The following KRR1 variants were observed in gnomAD, a reference collection of about 807,000 sequenced individuals.
KRR1 encodes the protein KRR1 small subunit processome component homolog.
A neutral mutation model predicts 50.0 loss-of-function variants in KRR1; 23 were observed. The observed-to-expected ratio is 0.46, with a 90% CI of 0.33 to 0.65. The LOEUF (loss-of-function observed/expected upper bound fraction) is 0.65, where lower values mean the gene tolerates loss of function less well. Among genes scored for constraint, KRR1 ranks in the 30% least tolerant of loss-of-function variants. The probability of loss-of-function intolerance (pLI) is 0.02; values close to 1 mark genes in which losing one functional copy is unlikely to be tolerated. For synonymous variants in KRR1, 133 were observed against 146.3 expected, an observed-to-expected ratio of 0.91 and a Z score of 0.66; for missense variants, 419 against 442.4, an observed-to-expected ratio of 0.95 and a Z score of 0.47.
At chr12:75,505,165 T>C in intron 6 of KRR1, 33 bp downstream of exon 6, 1 of 1,495,548 alleles carries the variant, frequency 6.7e-7, no homozygotes, top group South Asian at 1.2e-5. Flanking sequence ...AGTATGATAA[T>C]CACTGGTACA....
At position 75,498,774 on chromosome 12, in the gene KRR1, T is replaced by C. The variant is rs1432887802; in HGVS notation, c.*1035A>G. ...TTAAGAGCTATGTGAATTCTGTCAG[T>C]GCATTATGAGGAACAATGTCTAAGA... is the stretch of plus-strand genomic sequence containing the variant. On this transcript the variant is annotated 3_prime_UTR_variant, in exon 10 of 10. Transcript: ENST00000229214. 1.2e-6 allele frequency: 2 copies of C among 1,606,632 alleles called. No homozygotes were observed. Among genetic ancestry groups the C allele is most frequent in the Non-Finnish European group, 1.7e-6 (2 of 1,173,364 alleles).
Position 75,495,150 on chromosome 12 carries a change from G to A in KRR1, c.*4659C>T, listed in dbSNP as rs992636195. The A allele has an allele frequency of 6.6e-6, 1 of 152,586 alleles. No individual in the cohort carries two copies. Among genetic ancestry groups the A allele is most frequent in the Admixed American group, 6.5e-5 (1 of 15,306 alleles). The allele number at this position is 152,586 out of a possible 1,614,324, so 9.5% of individuals were successfully genotyped here. ...AGAATATTGAATGTGGGTCACCATAGCTTTTCTAAGATGGACAGTTTTTTA... is the reference window on the plus strand; with the variant it reads ...AGAATATTGAATGTGGGTCACCATAACTTTTCTAAGATGGACAGTTTTTTA... On this transcript the variant is annotated 3_prime_UTR_variant, in exon 10 of 10. Transcript: ENST00000229214.
At position 75,497,894 on chromosome 12, in the gene KRR1, A is replaced by AT. The variant is rs2046360960; in HGVS notation, c.*1914dup. 1 of 127,118 alleles carries AT rather than the reference A, an allele frequency of 7.9e-6. No individual in the cohort carries two copies. The allele number at this position is 127,118 out of a possible 1,614,324, so 7.9% of individuals were successfully genotyped here. On this transcript the variant is annotated 3_prime_UTR_variant, in exon 10 of 10. Coordinates refer to ENST00000229214, the MANE Select transcript of KRR1 (RefSeq NM_007043.7). ...GAATATTGAACATTTAAAAATATAT[A>AT]TAAAAAAAAATAACTAGAACATCAC...
In KRR1 at chr12:75,501,917, C is replaced by A. The variant is rs1490082255; in HGVS notation, c.909+6G>T. 1 of 1,607,228 alleles carries A rather than the reference C, an allele frequency of 6.2e-7. No individual in the cohort carries two copies. Among genetic ancestry groups the A allele is most frequent in the South Asian group, 1.1e-5 (1 of 90,890 alleles). On this transcript the variant is annotated splice_donor_region_variant and intron_variant, in intron 8 of 9. Coordinates refer to ENST00000229214, the MANE Select transcript of KRR1 (RefSeq NM_007043.7). Reference sequence around the variant, plus strand: ...ATTCATGTGAGCCAGACATAAAGTGCCGTACCTTTATTGCTTCCATTTTCT... The same window carrying A: ...ATTCATGTGAGCCAGACATAAAGTGACGTACCTTTATTGCTTCCATTTTCT...
At position 75,498,299 on chromosome 12, in the gene KRR1, C is replaced by T. The variant is rs1041339692; in HGVS notation, c.*1510G>A. 6 of 158,010 alleles carry T rather than the reference C, an allele frequency of 3.8e-5. No individual in the cohort carries two copies. In the Admixed American group the frequency reaches 3.9e-4, roughly 10 times the overall value. 9.8% of individuals were successfully genotyped at this position (158,010 alleles called of 1,614,324 possible). ...GATGAAAGAGAGGTCACTGTCTTTTCACTATGGATTCATCATAAACAGTAT... is the reference window on the plus strand; with the variant it reads ...GATGAAAGAGAGGTCACTGTCTTTTTACTATGGATTCATCATAAACAGTAT... On this transcript the variant is annotated 3_prime_UTR_variant, in exon 10 of 10. Coordinates refer to ENST00000229214, the MANE Select transcript of KRR1 (RefSeq NM_007043.7).
chr12:75,506,250 A>C lies in KRR1; in HGVS notation c.603+66T>G. On this transcript the variant is annotated intron_variant, in intron 5 of 9. Coordinates refer to ENST00000229214, the MANE Select transcript of KRR1 (RefSeq NM_007043.7). ...AAAATTATAAAGCATTATCCAATAA[A>C]CTATATTATAACCAAATTATTTGTT... 4.2e-6 allele frequency: 4 copies of C among 961,720 alleles called. No homozygotes were observed. In the South Asian group the frequency reaches 6.1e-5, roughly 15 times the overall value. 59.6% of individuals were successfully genotyped at this position (961,720 alleles called of 1,614,324 possible). A position where few individuals can be genotyped will look rare whatever the true frequency, so the allele number is the denominator to read the frequency against.
chr12:75,503,775 T>C (rs983864632), intron 7 of KRR1, 129 bp downstream of exon 7: 4 of 798,748 alleles, frequency 5.0e-6, no homozygotes, highest in Non-Finnish European at 7.6e-6. Flanking sequence ...CAGTTTCTTA[T>C]AGCTCTGCAC....
chr12:75,505,514 T>C (rs2120620554), intron 5 of KRR1, among the ~76,000 whole-genome samples: 2 of 152,166 alleles, frequency 1.3e-5, no homozygotes, highest in Middle Eastern at 6.8e-3. Flanking sequence ...CAATGTGATT[T>C]AGGAGGAAGA....
intron 1 of KRR1, among the ~76,000 whole-genome samples, chr12:75,508,896 C>T (rs1393650659): frequency 6.6e-6 from 1 of 152,182 alleles, no homozygotes; most frequent in Admixed American, 6.6e-5. Context: ...TGTAAAACTT[C>T]TGAAAGAGAA....
chr12:75,502,070 C>A, intron 7 of KRR1, 70 bp from the exon 8 acceptor site: 1 of 1,242,900 alleles, frequency 8.0e-7, no homozygotes, highest in Non-Finnish European at 1.2e-6. Context: ...AAGCAAGTCA[C>A]AATATCCTTA....
At position 75,511,603 on chromosome 12, in the gene KRR1, A is replaced by G; in HGVS notation, c.-6T>C. The stretch of plus-strand genomic sequence containing the variant: ...TCCAGCGAGGGAGACGCCATTTGCA[A>G]GCTGCTTCCGGTGGCTCCGGAAATG... On this transcript the variant is annotated 5_prime_UTR_variant, in exon 1 of 10. Coordinates refer to ENST00000229214, the MANE Select transcript of KRR1 (RefSeq NM_007043.7). 1.2e-6 allele frequency: 2 copies of G among 1,613,730 alleles called. No homozygotes were observed. The highest frequency in any genetic ancestry group is 1.7e-6 in the Non-Finnish European group (2 of 1,179,770).
rs1299851554 is a variant in KRR1 at position 75,505,214 on chromosome 12, G to T, written c.644C>A (p.Pro215Gln). 6.4e-7 allele frequency: 1 copy of T among 1,564,610 alleles called. No individual in the cohort carries two copies. The highest frequency in any genetic ancestry group is 8.7e-7 in the Non-Finnish European group (1 of 1,148,488). ...VVLDTMKNIH[P>Q]IYNIKSLMIK... Reference sequence around the variant, plus strand: ...ACCACTCACTTTAATGTTATAAATTGGATGAATATTCTTCATAGTATCAAG... The same window carrying T: ...ACCACTCACTTTAATGTTATAAATTTGATGAATATTCTTCATAGTATCAAG... Residue 215 changes from proline (P) to glutamine (Q), a missense_variant, in exon 6 of 10, where the codon CCA becomes CAA. Pro to Gln is a moderately conservative substitution (Grantham distance 76). Transcript: ENST00000229214.
In KRR1 at chr12:75,499,274, ATTCTTAGTAACTCCAGTAGCC is replaced by A. The variant is rs2046373400; in HGVS notation, c.*514_*534del. On this transcript the variant is annotated 3_prime_UTR_variant, in exon 10 of 10. Coordinates refer to ENST00000229214, the MANE Select transcript of KRR1 (RefSeq NM_007043.7). ...AGGTACAGTAGCACATTTTTAGGTG[ATTCTTAGTAACTCCAGTAGCC>A]TTCATTAGTTAAAAACATTATTATT... 1 of 217,832 alleles carries A rather than the reference ATTCTTAGTAACTCCAGTAGCC, an allele frequency of 4.6e-6. No individual in the cohort carries two copies. Among genetic ancestry groups the A allele is most frequent in the East Asian group, 1.0e-4 (1 of 9,944 alleles). 13.5% of individuals were successfully genotyped at this position (217,832 alleles called of 1,614,324 possible).
intron 7 of KRR1, chr12:75,502,908 A>AACTT (rs2046404474): frequency 6.6e-6 from 1 of 151,794 alleles, no homozygotes; most frequent in South Asian, 2.1e-4. Flanking sequence ...CATGATCCAA[A>AACTT]ACTTCCATTG....
chr12:75,498,925 A>G lies in KRR1; in HGVS notation c.*884T>C, dbSNP rs2046370371. 6.2e-7 allele frequency: 1 copy of G among 1,608,394 alleles called. No homozygotes were observed. Among genetic ancestry groups the G allele is most frequent in the South Asian group, 1.1e-5 (1 of 90,776 alleles). On this transcript the variant is annotated 3_prime_UTR_variant, in exon 10 of 10. Transcript: ENST00000229214. ...TTCAGTAATTCTAATACTGTCTGTT[A>G]TAATTACCATTTTGGTACAGCACAA...
In KRR1 at chr12:75,505,263, T is replaced by C. The variant is rs776756532; in HGVS notation, c.604-9A>G. 6 of 1,567,884 alleles carry C rather than the reference T, an allele frequency of 3.8e-6. No homozygotes were observed. Among genetic ancestry groups the C allele is most frequent in the Non-Finnish European group, 4.3e-6 (5 of 1,158,992 alleles). On this transcript the variant is annotated splice_polypyrimidine_tract_variant and intron_variant, in intron 5 of 9. Coordinates refer to ENST00000229214, the MANE Select transcript of KRR1 (RefSeq NM_007043.7). ...AGGACTACTTTTCTAACCTGAAATT[T>C]GCAAAGAAAAATGAATTAGTCACAA...
rs2046378023 is a variant in KRR1, at chr12:75,499,754, TA to T, written c.*54del. The T allele has an allele frequency of 7.2e-7, 1 of 1,389,236 alleles. No individual in the cohort carries two copies. The highest frequency in any genetic ancestry group is 1.5e-5 in the African/African-American group (1 of 66,720). The allele number at this position is 1,389,236 out of a possible 1,614,324, so 86.1% of individuals were successfully genotyped here. ...CACAAATAAGGCAACTAATGCCTGA[TA>T]TCTCAAAATCCTTTACAAAAGGAGA... On this transcript the variant is annotated 3_prime_UTR_variant, in exon 10 of 10. Transcript: ENST00000229214.
chr12:75,495,659 T>C lies in KRR1; in HGVS notation c.*4150A>G, dbSNP rs754340327. 1.3e-6 allele frequency: 2 copies of C among 1,588,484 alleles called. No individual in the cohort carries two copies. The highest frequency in any genetic ancestry group is 2.2e-5 in the East Asian group (1 of 44,736). ...TAATGACAAGTGTTTGGACAATCTC[T>C]GTGGTGAGTAAAAGGAACAATACAC... On this transcript the variant is annotated 3_prime_UTR_variant, in exon 10 of 10. Coordinates refer to ENST00000229214, the MANE Select transcript of KRR1 (RefSeq NM_007043.7).
Position 75,501,920 on chromosome 12 carries a change from T to A in KRR1, c.909+3A>T, listed in dbSNP as rs903040762. The stretch of plus-strand genomic sequence containing the variant: ...CATGTGAGCCAGACATAAAGTGCCG[T>A]ACCTTTATTGCTTCCATTTTCTGCC... On this transcript the variant is annotated splice_donor_region_variant and intron_variant, in intron 8 of 9. Coordinates refer to ENST00000229214, the MANE Select transcript of KRR1 (RefSeq NM_007043.7). 1.7e-5 allele frequency: 28 copies of A among 1,607,652 alleles called. No homozygotes were observed. The highest frequency in any genetic ancestry group is 2.4e-5 in the Non-Finnish European group (28 of 1,178,114).
Sources: gnomAD v4.1 joint callset for allele counts (sites outside exome capture counted in the v4.1 genomes callset) on GRCh38, gnomAD v4.1.1 for gene constraint, MANE v1.5 for transcripts, NCBI Gene and HGNC (gene_info 2026-07-23, HGNC 2026-07-21) for gene names.